The following ZNF469 variants were observed in gnomAD, a reference collection of about 807,000 sequenced individuals.
ZNF469 encodes the protein zinc finger protein 469.
ZNF469 carries 1 observed loss-of-function variant against 1.0 expected under a neutral mutation model. The observed-to-expected ratio is 1.00, with a 90% confidence interval of 0.35 to 4.73. The LOEUF is 4.73. ZNF469 is among the 30% of genes most tolerant of loss of function. The pLI is 0.16. For missense variants in ZNF469, 6,100 were observed against 5,356.3 expected (o/e 1.14, Z -4.33); for synonymous variants, 2,703 against 2,363.4 (o/e 1.14, Z -4.17).
At chr16:88,316,770 C>G in the ZNF469 span, among the ~76,000 whole-genome samples, 1 of 152,050 alleles carries the variant, frequency 6.6e-6, no homozygotes, top group Non-Finnish European at 1.5e-5. Context: ...TGGTTTCAAA[C>G]TCCTGACCTC....
the ZNF469 span, among the ~76,000 whole-genome samples, chr16:88,227,484 C>T: frequency 1.3e-5 from 2 of 151,336 alleles, no homozygotes; most frequent in Non-Finnish European, 3.0e-5. Context: ...ATCTCCCTGT[C>T]TCCCTGTGTC....
At chr16:88,240,657 A>T in the ZNF469 span, among the ~76,000 whole-genome samples, 1 of 152,074 alleles carries the variant, frequency 6.6e-6, no homozygotes, top group African/African-American at 2.4e-5. Flanking sequence ...GTATCTGCCA[A>T]CCCCAGAGCC....
chr16:88,139,951 C>A, the ZNF469 span, among the ~76,000 whole-genome samples: 1 of 152,168 alleles, frequency 6.6e-6, no homozygotes. Context: ...GCATCAACAA[C>A]AAAAGATACA....
At chr16:88,254,953 A>G in the ZNF469 span, among the ~76,000 whole-genome samples, 1 of 152,198 alleles carries the variant, frequency 6.6e-6, no homozygotes, top group Non-Finnish European at 1.5e-5. Context: ...AACATGGTAT[A>G]CTTCTCCATT....
At chr16:88,142,266 G>T in the ZNF469 span, among the ~76,000 whole-genome samples, 1 of 152,228 alleles carries the variant, frequency 6.6e-6, no homozygotes, top group Non-Finnish European at 1.5e-5. Context: ...CTGGGAGGGT[G>T]AGCAGGTTCC....
chr16:88,241,420 C>T, the ZNF469 span, among the ~76,000 whole-genome samples: 4 of 151,614 alleles, frequency 2.6e-5, no homozygotes, highest in African/African-American at 9.7e-5. The surrounding 1 kb of genome is among the most constrained non-coding windows in gnomAD (Gnocchi z 4.8). Context: ...CTGTAAGGCT[C>T]AAGAGAATAA....
chr16:88,430,841 T>G lies in ZNF469; in HGVS notation c.3371T>G (p.Val1124Gly), dbSNP rs1384845242. 1 of 1,534,540 alleles carries G rather than the reference T, an allele frequency of 6.5e-7. No individual in the cohort carries two copies. Reference sequence around the variant, plus strand: ...GGCCGAGGCGAGAAGAGGAAGGAAGTGGAGCTGACCCAGGGTCCCAGAGAG... The same window carrying G: ...GGCCGAGGCGAGAAGAGGAAGGAAGGGGAGCTGACCCAGGGTCCCAGAGAG... ...RRGRGEKRKE[V>G]ELTQGPREDE... Residue 1124 changes from valine to glycine, a missense_variant, in exon 3 of 3, where the codon GTG (valine) becomes GGG (glycine). Transcript: ENST00000565624.
chr16:88,180,439 A>G, the ZNF469 span, among the ~76,000 whole-genome samples: 1 of 152,226 alleles, frequency 6.6e-6, no homozygotes, highest in East Asian at 1.9e-4. Flanking sequence ...CGAACAAGGA[A>G]TATTACCAGA....
chr16:88,322,801 G>A, the ZNF469 span, among the ~76,000 whole-genome samples: 1 of 152,172 alleles, frequency 6.6e-6, no homozygotes, highest in African/African-American at 2.4e-5. Context: ...CGTGGGATGG[G>A]GGAACCATCG....
chr16:88,243,910 G>GCATATACATATA, the ZNF469 span, among the ~76,000 whole-genome samples: 1 of 18,218 alleles, frequency 5.5e-5, no homozygotes, highest in Non-Finnish European at 1.4e-4. Flanking sequence ...CTGGCTGGAT[G>GCATATACATATA]CATATATATA....
chr16:88,193,192 G>A, the ZNF469 span, among the ~76,000 whole-genome samples: 3 of 101,796 alleles, frequency 2.9e-5, no homozygotes, highest in African/African-American at 1.1e-4. Flanking sequence ...GATGGTGGTG[G>A]TGGTGATGGT....
the ZNF469 span, among the ~76,000 whole-genome samples, chr16:88,285,275 G>C: frequency 2.2e-4 from 33 of 152,394 alleles, no homozygotes; most frequent in Admixed American, 1.8e-3. Flanking sequence ...GGTACATGAG[G>C]GTTCCTGCCA....
chr16:88,420,341 C>A (rs1905421052), intron 1 of ZNF469, among the ~76,000 whole-genome samples: 1 of 152,108 alleles, frequency 6.6e-6, no homozygotes. Flanking sequence ...TGGGACCGTT[C>A]ACAAGGAGGA....
the ZNF469 span, among the ~76,000 whole-genome samples, chr16:88,344,915 C>T: frequency 5.3e-5 from 8 of 152,366 alleles, no homozygotes; most frequent in Non-Finnish European, 1.0e-4. Flanking sequence ...CTGGGATTTC[C>T]TGCAACCTTC....
chr16:88,405,387 C>T (rs910700740), intron 1 of ZNF469, among the ~76,000 whole-genome samples: 4 of 152,196 alleles, frequency 2.6e-5, no homozygotes, highest in Non-Finnish European at 4.4e-5. Flanking sequence ...GGGGAGTGGC[C>T]ACATGGGCCC....
In ZNF469 at chr16:88,430,601, G is replaced by A. The variant is rs1445933905; in HGVS notation, c.3131G>A (p.Gly1044Asp). Reference protein sequence around the residue: ...KDPRKRKARGGAWGKELILKI... With the variant: ...KDPRKRKARGDAWGKELILKI... The stretch of plus-strand genomic sequence containing the variant: ...CCCAGGAAGAGGAAGGCTCGGGGCG[G>A]CGCCTGGGGCAAGGAGCTCATTCTG... The change falls in exon 3 of 3, where the codon GGC (glycine) becomes GAC (aspartate). Residue 1044 changes from glycine to aspartate, a missense_variant. By Grantham distance (94) the Gly-to-Asp change is moderately conservative (BLOSUM62 -1). Transcript: ENST00000565624. The A allele has an allele frequency of 1.0e-5, 15 of 1,500,658 alleles. No homozygotes were observed. Among genetic ancestry groups the A allele is most frequent in the East Asian group, 2.7e-5 (1 of 37,032 alleles). 93.0% of individuals were successfully genotyped at this position (1,500,658 alleles called of 1,614,324 possible).
the ZNF469 span, among the ~76,000 whole-genome samples, chr16:88,238,634 A>G: frequency 2.0e-5 from 3 of 152,328 alleles, no homozygotes; most frequent in East Asian, 5.8e-4. Flanking sequence ...ACACTTTAAA[A>G]TGTATATATC....
At chr16:88,276,267 C>G in the ZNF469 span, among the ~76,000 whole-genome samples, 1 of 152,096 alleles carries the variant, frequency 6.6e-6, no homozygotes, top group African/African-American at 2.4e-5. Flanking sequence ...CTAAAACCAT[C>G]CAAGCACACT....
chr16:88,213,749 T>A, the ZNF469 span, among the ~76,000 whole-genome samples: 2 of 152,312 alleles, frequency 1.3e-5, no homozygotes, highest in South Asian at 4.1e-4. Flanking sequence ...TTCCCAGTAT[T>A]TCCACACTTA....
Sources: gnomAD v4.1 joint callset for allele counts (sites outside exome capture counted in the v4.1 genomes callset) on GRCh38, gnomAD v4.1.1 for gene constraint, Gnocchi (gnomAD v3.1) non-coding constraint, MANE v1.5 for transcripts, NCBI Gene and HGNC (gene_info 2026-07-23, HGNC 2026-07-21) for gene names.